The following MYLK4 variants were observed in gnomAD, a reference collection of about 807,000 sequenced individuals.
The protein encoded by MYLK4 is myosin light chain kinase family member 4, also known as caMLCK like.
Under a neutral mutation model 48.1 loss-of-function variants are expected in MYLK4, and 46 were observed. The ratio of observed to expected loss-of-function variants is 0.96; its 90% CI spans 0.75 to 1.22. MYLK4 has a LOEUF of 1.22. Ranked by LOEUF, MYLK4 falls within the 50% of genes most tolerant of loss-of-function variation. MYLK4 has a pLI of 0.00. For missense variants in MYLK4, 451 were observed against 486.1 expected (o/e 0.93, Z 0.68); for synonymous variants, 170 against 180.8 (o/e 0.94, Z 0.48).
intron 3 of MYLK4, among the ~76,000 whole-genome samples, chr6:2,691,334 T>C (rs1761788693): frequency 6.6e-6 from 1 of 152,224 alleles, no homozygotes; most frequent in African/African-American, 2.4e-5. Flanking sequence ...TATTAAAAAA[T>C]GAACTAAGAA....
At chr6:2,715,278 G>A (rs967229684) in intron 2 of MYLK4, among the ~76,000 whole-genome samples, 20 of 151,858 alleles carry the variant, frequency 1.3e-4, no homozygotes, top group Non-Finnish European at 2.9e-4. Flanking sequence ...AAAAAAATGG[G>A]TACAGAGTTG....
chr6:2,716,441 A>G (rs1050895565), intron 2 of MYLK4, among the ~76,000 whole-genome samples: 4 of 152,276 alleles, frequency 2.6e-5, no homozygotes, highest in Non-Finnish European at 4.4e-5. Context: ...AGAAATCACA[A>G]GAAGCTATTG....
intron 2 of MYLK4, among the ~76,000 whole-genome samples, chr6:2,694,622 G>A (rs1761990569): frequency 8.3e-6 from 1 of 121,146 alleles, no homozygotes; most frequent in Non-Finnish European, 2.1e-5. Flanking sequence ...TAGTGGTGAT[G>A]GCGGTTGTAG....
chr6:2,765,194 GCCCCT>G, the MYLK4 span, among the ~76,000 whole-genome samples: 2 of 56,662 alleles, frequency 3.5e-5, no homozygotes, highest in South Asian at 6.7e-4. Flanking sequence ...CCCCCCCCCC[GCCCCT>G]CCCCCGCCCC....
At chr6:2,678,863 A>G (rs1411380493) in intron 9 of MYLK4, among the ~76,000 whole-genome samples, 1 of 151,882 alleles carries the variant, frequency 6.6e-6, no homozygotes, top group Non-Finnish European at 1.5e-5. Flanking sequence ...GCCACCACGC[A>G]CGGCTGATTT....
chr6:2,685,032 A>T lies in MYLK4; in HGVS notation c.545+264T>A, dbSNP rs2113136522. On this transcript the variant is annotated intron_variant, in intron 6 of 12. Coordinates refer to ENST00000274643, the MANE Select transcript of MYLK4 (RefSeq NM_001012418.5). This position sits in a 1 kb window ranked among gnomAD's most constrained non-coding sequence, Gnocchi z 4.5. ...CTCCAGGTTGCCCTGGCTAATATTT[A>T]AGCTTGATTTTTGACAAACAGCGTA... Among the ~76,000 whole-genome samples, 1 of 152,322 alleles carries T rather than the reference A, an allele frequency of 6.6e-6. No homozygotes were observed. The highest frequency in any genetic ancestry group is 1.9e-4 in the East Asian group (1 of 5,190).
chr6:2,723,963 G>A (rs550945851), intron 2 of MYLK4, among the ~76,000 whole-genome samples: 4 of 152,112 alleles, frequency 2.6e-5, no homozygotes, highest in African/African-American at 7.2e-5. Context: ...GGCAACCTCC[G>A]CCTCCCAGGC....
chr6:2,769,981 G>C, the MYLK4 span: 2 of 1,209,424 alleles, frequency 1.7e-6, no homozygotes, highest in Non-Finnish European at 2.3e-6. Flanking sequence ...TCTATATTCA[G>C]TGAATATAAG....
intron 3 of MYLK4, among the ~76,000 whole-genome samples, chr6:2,690,954 G>A (rs996488908): frequency 6.6e-6 from 1 of 150,456 alleles, no homozygotes; most frequent in Admixed American, 6.6e-5. Flanking sequence ...TCAGCCTCCC[G>A]AGTAGCTGGG....
In MYLK4 at chr6:2,675,114, CT is replaced by C. The variant is rs865973549; in HGVS notation, c.1051del (p.Ser351ValfsTer36). On this transcript the variant is annotated frameshift_variant, in exon 11 of 13. Coordinates refer to ENST00000274643, the MANE Select transcript of MYLK4 (RefSeq NM_001012418.5). LOFTEE classifies it high-confidence loss of function. Reference sequence around the variant, plus strand: ...GGGGTGCTTGAGAGCTTCGCTTGCACTTATTCGCCAACTAGAAGGAAATTCA... The same window carrying C: ...GGGGTGCTTGAGAGCTTCGCTTGCACTATTCGCCAACTAGAAGGAAATTCA... ...LLIKEKSWRI[S>X]ASEALKHPWL... 1.1e-5 allele frequency: 17 copies of C among 1,613,694 alleles called. No homozygotes were observed. Among genetic ancestry groups the C allele is most frequent in the Non-Finnish European group, 1.4e-5 (16 of 1,179,798 alleles).
chr6:2,712,555 G>T (rs1762711988), intron 2 of MYLK4, among the ~76,000 whole-genome samples: 2 of 152,208 alleles, frequency 1.3e-5, no homozygotes, highest in African/African-American at 4.8e-5. Flanking sequence ...TTGAGAAACA[G>T]ATTTAGTGAT....
intron 2 of MYLK4, among the ~76,000 whole-genome samples, chr6:2,740,612 C>G (rs1167867350): frequency 6.6e-6 from 1 of 152,190 alleles, no homozygotes; most frequent in Non-Finnish European, 1.5e-5. Context: ...CTCCAGCCCC[C>G]ACACCTATTC....
At position 2,742,419 on chromosome 6, in the gene MYLK4, G is replaced by A. The variant is rs183050834; in HGVS notation, c.159+6717C>T. ...TGCTGCTATAAAGACACATGCACAC[G>A]TATGTTTACTGTGGCACTATTCACA... is the stretch of plus-strand genomic sequence containing the variant. On this transcript the variant is annotated intron_variant, in intron 2 of 12. Coordinates refer to ENST00000274643, the MANE Select transcript of MYLK4 (RefSeq NM_001012418.5). 9.9e-3 allele frequency among the ~76,000 whole-genome samples: 1,497 copies of A among 151,924 alleles called. 33 individuals are homozygous for A. The highest frequency in any genetic ancestry group is 0.033 in the African/African-American group (1,355 of 41,378).
chr6:2,766,234 CG>C, the MYLK4 span: 4 of 1,466,552 alleles, frequency 2.7e-6, no homozygotes, highest in South Asian at 1.4e-5. Flanking sequence ...GGGCCAGTGG[CG>C]GGGGCCGCCC....
intron 2 of MYLK4, among the ~76,000 whole-genome samples, chr6:2,743,623 G>A (rs893820545): frequency 2.0e-5 from 3 of 152,194 alleles, no homozygotes; most frequent in Non-Finnish European, 2.9e-5. Flanking sequence ...AGAAGGAAGA[G>A]ATACGGACAT....
the MYLK4 span, among the ~76,000 whole-genome samples, chr6:2,767,153 G>A: frequency 1.8e-3 from 272 of 152,298 alleles, 5 homozygotes; most frequent in East Asian, 0.039. Flanking sequence ...CCCTTCGTGA[G>A]GCGTTAGCGT....
intron 2 of MYLK4, among the ~76,000 whole-genome samples, chr6:2,706,328 G>A (rs1013476620): frequency 6.6e-6 from 1 of 150,992 alleles, no homozygotes; most frequent in Non-Finnish European, 1.5e-5. Context: ...TGAGAAGCAC[G>A]TTATTCGTCA....
chr6:2,687,293 C>A (rs1172014879), intron 4 of MYLK4, among the ~76,000 whole-genome samples: 1 of 152,204 alleles, frequency 6.6e-6, no homozygotes, highest in African/African-American at 2.4e-5. Context: ...AAGGCATCCA[C>A]GCACATTTGA....
upstream of MYLK4, among the ~76,000 whole-genome samples, chr6:2,752,150 AG>A (rs1232276219): frequency 6.6e-6 from 1 of 152,206 alleles, no homozygotes; most frequent in Non-Finnish European, 1.5e-5. Flanking sequence ...AACCAACCAC[AG>A]GCTTGAGTGA....
Sources: allele counts gnomAD v4.1 joint callset (sites outside exome capture counted in the v4.1 genomes callset), GRCh38; gene constraint gnomAD v4.1.1; non-coding constraint Gnocchi (gnomAD v3.1); transcripts MANE v1.5; gene names NCBI Gene and HGNC (gene_info 2026-07-23, HGNC 2026-07-21).